DNAH5: variants seen among roughly 807,000 people sequenced by gnomAD.
The protein encoded by DNAH5 is dynein axonemal heavy chain 5.
In DNAH5, 372 loss-of-function variants were observed where a neutral mutation model predicts 518.2. The observed-to-expected ratio is 0.72, with a 90% CI of 0.66 to 0.78. The LOEUF (loss-of-function observed/expected upper bound fraction) is 0.78, where lower values mean the gene tolerates loss of function less well. Ranked by LOEUF, DNAH5 falls within the 30% of genes least tolerant of loss-of-function variation. The pLI, the probability that DNAH5 is intolerant of heterozygous loss-of-function variation, is 0.00. For synonymous variants in DNAH5, 2,039 were observed against 2,025.9 expected, an observed-to-expected ratio of 1.01 and a Z score of -0.17; for missense variants, 5,523 against 5,687.0, an observed-to-expected ratio of 0.97 and a Z score of 0.93.
Position 13,727,586 on chromosome 5 carries a change from T to C in DNAH5, c.11954A>G (p.Asn3985Ser), listed in dbSNP as rs200865219. 133 of 1,613,910 alleles carry C rather than the reference T, an allele frequency of 8.2e-5. No homozygotes were observed. The highest frequency in any genetic ancestry group is 1.7e-6 in the Non-Finnish European group (2 of 1,179,826). Reference protein sequence around the residue: ...KENPEEEPLPNAYDKSLDCFR... With the variant: ...KENPEEEPLPSAYDKSLDCFR... ...GCAGTCAAGAGATTTATCATAGGCA[T>C]TTGGAAGAGGTTCCTCCTCCGGGTT... The change falls in exon 70 of 79, where the codon AAT becomes AGT. Residue 3985 changes from asparagine to serine, a missense_variant. By Grantham distance (46) the Asn-to-Ser change is conservative. Transcript: ENST00000265104.
chr5:13,864,985 T>C (rs572075734), intron 27 of DNAH5, among the ~76,000 whole-genome samples: 66 of 149,896 alleles, frequency 4.4e-4, no homozygotes, highest in Non-Finnish European at 8.4e-4. Flanking sequence ...GGCTGTGAAG[T>C]GAAATATGCA....
At chr5:13,817,382 A>G (rs1382057585) in intron 42 of DNAH5, among the ~76,000 whole-genome samples, 166 bp downstream of exon 42, 2 of 152,224 alleles carry the variant, frequency 1.3e-5, no homozygotes, top group African/African-American at 4.8e-5. Context: ...ACTGTAATCA[A>G]TAATTCCATT....
chr5:13,901,639 AT>A (rs1774641460), intron 13 of DNAH5, 66 bp from the exon 14 acceptor site: 10 of 956,876 alleles, frequency 1.0e-5, no homozygotes, highest in East Asian at 2.7e-5. Context: ...CACAATAAAA[AT>A]ATCTAGTAAT....
chr5:13,915,222 G>A (rs766144530), intron 9 of DNAH5, among the ~76,000 whole-genome samples: 42 of 152,094 alleles, frequency 2.8e-4, no homozygotes, highest in African/African-American at 3.9e-4. Context: ...GGAAAGATAT[G>A]ATGCCCAGGA....
At chr5:13,974,281 C>A (rs1337244809) in intron 1 of DNAH5, among the ~76,000 whole-genome samples, 2 of 151,746 alleles carry the variant, frequency 1.3e-5, no homozygotes, top group Non-Finnish European at 2.9e-5. Context: ...GTGAGTGCCA[C>A]CACCTGTAAT....
chr5:13,780,220 C>T (rs541544457), intron 53 of DNAH5, among the ~76,000 whole-genome samples: 1 of 152,290 alleles, frequency 6.6e-6, no homozygotes, highest in Non-Finnish European at 1.5e-5. Flanking sequence ...CTAATCATCC[C>T]TTAGACTAGG....
chr5:13,847,636 A>C (rs1766197269), intron 31 of DNAH5, among the ~76,000 whole-genome samples: 1 of 151,970 alleles, frequency 6.6e-6, no homozygotes, highest in East Asian at 1.9e-4. Context: ...AGGTGGGAGA[A>C]TCACTTGAAC....
intron 65 of DNAH5, among the ~76,000 whole-genome samples, chr5:13,744,681 T>C (rs975173767): frequency 6.6e-6 from 1 of 152,080 alleles, no homozygotes; most frequent in African/African-American, 2.4e-5. Flanking sequence ...TTCGTGAACA[T>C]AGCATTTGTT....
intron 65 of DNAH5, among the ~76,000 whole-genome samples, chr5:13,744,938 C>T (rs1749126234): frequency 6.6e-6 from 1 of 151,986 alleles, no homozygotes; most frequent in South Asian, 2.1e-4. Context: ...ATTTCTTTTT[C>T]CCCCACCACC....
intron 50 of DNAH5, among the ~76,000 whole-genome samples, 185 bp downstream of exon 50, chr5:13,791,809 A>T (rs1757039473): frequency 6.6e-6 from 1 of 152,230 alleles, no homozygotes; most frequent in Non-Finnish European, 1.5e-5. Context: ...ATTGGAATTT[A>T]TCATTGACTG....
chr5:13,839,128 CA>C (rs1373971825), intron 35 of DNAH5, among the ~76,000 whole-genome samples: 1 of 152,168 alleles, frequency 6.6e-6, no homozygotes, highest in African/African-American at 2.4e-5. Flanking sequence ...ACAGTGTTTA[CA>C]CATTTAAACT....
chr5:13,700,897 G>T (rs1742015102), intron 77 of DNAH5, 26 bp from the exon 78 acceptor site: 1 of 1,607,638 alleles, frequency 6.2e-7, no homozygotes, highest in Non-Finnish European at 8.5e-7. Context: ...AAAGATGAAT[G>T]GAGCGGTTAG....
In DNAH5 at chr5:13,838,965, C is replaced by A. The variant is rs111698906; in HGVS notation, c.5882+391G>T. On this transcript the variant is annotated intron_variant, in intron 35 of 78. Transcript: ENST00000265104. The stretch of plus-strand genomic sequence containing the variant: ...CTCCCAACTTTTACCTGCATTGATA[C>A]TCAATTTCTTTCCTGCTTAAAAAAA... Among the ~76,000 whole-genome samples, 346 of 148,682 alleles carry A rather than the reference C, an allele frequency of 2.3e-3. 2 individuals are homozygous for A. Among genetic ancestry groups the A allele is most frequent in the African/African-American group, 8.0e-3 (318 of 39,952 alleles).
rs183398933 is a variant in DNAH5 at position 13,827,476 on chromosome 5, C to G, written c.6444+2034G>C. Among the ~76,000 whole-genome samples, 70 of 81,876 alleles carry G rather than the reference C, an allele frequency of 8.5e-4. 8 individuals are homozygous for G. The highest frequency in any genetic ancestry group is 3.8e-3 in the South Asian group (11 of 2,914). The allele number at this position is 81,876 out of a possible 152,430, so 53.7% of individuals were successfully genotyped here. A position where few individuals can be genotyped will look rare whatever the true frequency, so the allele number is the denominator to read the frequency against. ...GTGCCCTGCATCCCAGCCGCTCCAG[C>G]TGAGGCTAACAATGCCTGTACCCCC... On this transcript the variant is annotated intron_variant, in intron 38 of 78. Coordinates refer to ENST00000265104, the MANE Select transcript of DNAH5 (RefSeq NM_001369.3).
At chr5:13,789,222 T>A (rs1401725011) in intron 50 of DNAH5, among the ~76,000 whole-genome samples, 1 of 152,216 alleles carries the variant, frequency 6.6e-6, no homozygotes, top group Non-Finnish European at 1.5e-5. Flanking sequence ...AATAAATTAG[T>A]CTTTTTAATA....
chr5:14,004,004 G>T (rs925559214), intron 1 of DNAH5, among the ~76,000 whole-genome samples: 30 of 151,868 alleles, frequency 2.0e-4, no homozygotes, highest in African/African-American at 7.2e-4. Context: ...TATGGAAATC[G>T]GAAGAGAAAA....
intron 72 of DNAH5, 104 bp downstream of exon 72, chr5:13,718,778 A>T: frequency 1.1e-6 from 1 of 937,378 alleles, no homozygotes; most frequent in Non-Finnish European, 1.7e-6. Context: ...AAACAGTAGT[A>T]CTATTTGCTA....
intron 16 of DNAH5, among the ~76,000 whole-genome samples, chr5:13,893,935 A>G (rs1773589998): frequency 6.7e-6 from 1 of 148,172 alleles, no homozygotes; most frequent in Non-Finnish European, 1.5e-5. Context: ...AAAAAAAACC[A>G]TTACCACGTT....
At chr5:13,837,766 G>C (rs963269318) in intron 35 of DNAH5, among the ~76,000 whole-genome samples, 4 of 127,278 alleles carry the variant, frequency 3.1e-5, no homozygotes, top group African/African-American at 1.2e-4. Context: ...GCGGTGGCAT[G>C]ATCTTGTCTC....
Sources: allele counts gnomAD v4.1 joint callset (sites outside exome capture counted in the v4.1 genomes callset), GRCh38; gene constraint gnomAD v4.1.1; transcripts MANE v1.5; gene names NCBI Gene and HGNC (gene_info 2026-07-23, HGNC 2026-07-21).